Variants in ZNF560 observed in about 807,000 individuals in gnomAD.
The protein encoded by ZNF560 is zinc finger protein 560.
A neutral mutation model predicts 81.8 loss-of-function variants in ZNF560; 54 were observed. The observed-to-expected ratio is 0.66, with a 90% confidence interval of 0.53 to 0.83. The LOEUF (loss-of-function observed/expected upper bound fraction) is 0.83. ZNF560 is among the 40% of genes least tolerant of loss of function. The pLI is 0.00. For synonymous variants in ZNF560, 321 were observed against 317.9 expected (o/e 1.01, Z -0.10); for missense variants, 940 against 932.4 (o/e 1.01, Z -0.11).
chr19:9,455,328 G>A, the ZNF560 span, among the ~76,000 whole-genome samples: 2 of 152,152 alleles, frequency 1.3e-5, no homozygotes, highest in Non-Finnish European at 2.9e-5. Flanking sequence ...ACTCTTACTC[G>A]AGCCTGTCTG....
the ZNF560 span, among the ~76,000 whole-genome samples, chr19:9,503,619 C>T: frequency 1.3e-5 from 2 of 152,216 alleles, no homozygotes; most frequent in South Asian, 4.1e-4. Context: ...ACTGCAGCCT[C>T]AACCAACTGG....
chr19:9,490,130 G>A (rs971737182), intron 2 of ZNF560, among the ~76,000 whole-genome samples: 9 of 152,188 alleles, frequency 5.9e-5, no homozygotes, highest in Non-Finnish European at 1.3e-4. Context: ...TATCACATGT[G>A]ATCTGCACAG....
the ZNF560 span, among the ~76,000 whole-genome samples, chr19:9,448,737 A>G: frequency 6.6e-6 from 1 of 152,186 alleles, no homozygotes; most frequent in African/African-American, 2.4e-5. Context: ...CACCCCATTT[A>G]AAAGGGACAG....
chr19:9,496,921 C>T lies in ZNF560; in HGVS notation c.-57+1207G>A, dbSNP rs184582825. 1.1e-3 allele frequency among the ~76,000 whole-genome samples: 163 copies of T among 150,962 alleles called. No homozygotes were observed. In the Middle Eastern group the frequency reaches 0.017, roughly 16 times the overall value. ...ACTGCACTCCACCCTGGCGACAGAA[C>T]GAGACTGTGTCTCAAAAAAAAAATA... On this transcript the variant is annotated intron_variant, in intron 2 of 9. Coordinates refer to ENST00000301480, the MANE Select transcript of ZNF560 (RefSeq NM_152476.3).
the ZNF560 span, among the ~76,000 whole-genome samples, chr19:9,452,442 C>T: frequency 6.6e-6 from 1 of 152,130 alleles, no homozygotes; most frequent in African/African-American, 2.4e-5. Context: ...CAAATAGACA[C>T]ATACACTCAT....
chr19:9,469,010 G>A (rs895542545), intron 9 of ZNF560, 95 bp downstream of exon 9: 1 of 977,336 alleles, frequency 1.0e-6, no homozygotes, highest in African/African-American at 1.7e-5. Flanking sequence ...TTAGAGGCAT[G>A]AGCCACCGTG....
chr19:9,482,004 G>A (rs925837154), intron 2 of ZNF560, among the ~76,000 whole-genome samples: 5 of 152,180 alleles, frequency 3.3e-5, no homozygotes, highest in Non-Finnish European at 5.9e-5. Flanking sequence ...ATTCACAATA[G>A]CAAACACTTG....
intron 2 of ZNF560, among the ~76,000 whole-genome samples, chr19:9,492,468 A>G (rs1200309477): frequency 1.3e-5 from 2 of 152,216 alleles, no homozygotes; most frequent in Non-Finnish European, 2.9e-5. Context: ...ACAATGCATA[A>G]TCCATGCACT....
In ZNF560 at chr19:9,472,876, C is replaced by T. The variant is rs149251765; in HGVS notation, c.238+303G>A. 9.3e-3 allele frequency among the ~76,000 whole-genome samples: 1,422 copies of T among 152,178 alleles called. 50 individuals carry two copies. The East Asian group carries it at 0.099, about 11-fold the overall frequency. ...CTGATGCCAAAAAGGCTGGGGACTG[C>T]TGGTTTAAAACACTATGACACCACC... On this transcript the variant is annotated intron_variant, in intron 5 of 9. Transcript: ENST00000301480.
chr19:9,461,259 C>T, the ZNF560 span, among the ~76,000 whole-genome samples: 5 of 152,134 alleles, frequency 3.3e-5, no homozygotes, highest in Non-Finnish European at 7.4e-5. Context: ...TTTGACACCC[C>T]TAATTATCAT....
At chr19:9,465,227 T>A (rs1405046944), downstream of ZNF560, among the ~76,000 whole-genome samples, 1 of 151,142 alleles carries the variant, frequency 6.6e-6, no homozygotes, top group African/African-American at 2.4e-5. Context: ...GCCTCCCTGG[T>A]TGAAGCGACT....
chr19:9,489,678 C>A (rs1366648734), intron 2 of ZNF560, among the ~76,000 whole-genome samples: 1 of 152,188 alleles, frequency 6.6e-6, no homozygotes, highest in Non-Finnish European at 1.5e-5. Flanking sequence ...CAAGCTCCGC[C>A]TCCTAGGTTC....
Position 9,466,477 on chromosome 19 carries a change from A to G in ZNF560, c.*97T>C, listed in dbSNP as rs2073017857. ...AGGCTTTCTCACATTCCTTACATTGATAGTGTTACTTTCTCCTGTGAATTT... is the reference window on the plus strand; with the variant it reads ...AGGCTTTCTCACATTCCTTACATTGGTAGTGTTACTTTCTCCTGTGAATTT... On this transcript the variant is annotated 3_prime_UTR_variant, in exon 10 of 10. Coordinates refer to ENST00000301480, the MANE Select transcript of ZNF560 (RefSeq NM_152476.3). 8.9e-7 allele frequency: 1 copy of G among 1,120,966 alleles called. No individual in the cohort carries two copies. Among genetic ancestry groups the G allele is most frequent in the Non-Finnish European group, 1.3e-6 (1 of 779,588 alleles). The allele number at this position is 1,120,966 out of a possible 1,614,324, so 69.4% of individuals were successfully genotyped here.
At chr19:9,475,223 A>C in intron 3 of ZNF560, 61 bp downstream of exon 3, 1 of 1,570,490 alleles carries the variant, frequency 6.4e-7, no homozygotes, top group Non-Finnish European at 8.8e-7. Flanking sequence ...GCCTAGAAGG[A>C]AATGTGTTTA....
chr19:9,499,534 T>G (rs1002605112), upstream of ZNF560, among the ~76,000 whole-genome samples: 1 of 152,188 alleles, frequency 6.6e-6, no homozygotes, highest in African/African-American at 2.4e-5. Flanking sequence ...ACAATGTATT[T>G]GTTACTATTT....
rs547476349 is a variant in ZNF560, at chr19:9,481,089, A to G, written c.-56-5720T>C. Among the ~76,000 whole-genome samples, 65 of 151,884 alleles carry G rather than the reference A, an allele frequency of 4.3e-4. 1 individual carries two copies. Among genetic ancestry groups the G allele is most frequent in the East Asian group, 2.9e-3 (15 of 5,176 alleles). On this transcript the variant is annotated intron_variant, in intron 2 of 9. Coordinates refer to ENST00000301480, the MANE Select transcript of ZNF560 (RefSeq NM_152476.3). The stretch of plus-strand genomic sequence containing the variant: ...TACAGGCAGAGATTATCTGAAAAAA[A>G]AAAAAAAAAAGGCCTCAGAAATAAC...
chr19:9,450,587 G>T, the ZNF560 span, among the ~76,000 whole-genome samples: 79,470 of 151,932 alleles, frequency 0.52, 21,104 homozygotes, highest in Non-Finnish European at 0.55. Flanking sequence ...ATACAGTCTC[G>T]CTGTTGCCCA....
At chr19:9,480,956 C>T (rs944660835) in intron 2 of ZNF560, among the ~76,000 whole-genome samples, 48 of 151,710 alleles carry the variant, frequency 3.2e-4, no homozygotes, top group African/African-American at 6.5e-4. Flanking sequence ...TGGTGGTGCA[C>T]GCCTGTAGTC....
At chr19:9,469,969 A>G (rs1349480543) in intron 7 of ZNF560, 2 of 485,802 alleles carry the variant, frequency 4.1e-6, no homozygotes, top group African/African-American at 3.9e-5. Context: ...GCAAATGTTA[A>G]ATACAAATTC....
Sources: gnomAD v4.1 joint callset for allele counts (sites outside exome capture counted in the v4.1 genomes callset) on GRCh38, gnomAD v4.1.1 for gene constraint, MANE v1.5 for transcripts, NCBI Gene and HGNC (gene_info 2026-07-23, HGNC 2026-07-21) for gene names.